The following KIF26B variants were observed in gnomAD, a reference collection of about 807,000 sequenced individuals.
KIF26B encodes the protein kinesin-like protein KIF26B.
Under a neutral mutation model 151.2 loss-of-function variants are expected in KIF26B, and 63 were observed. The ratio of observed to expected loss-of-function variants is 0.42; its 90% CI spans 0.34 to 0.51. The LOEUF is 0.51. Among genes scored for constraint, KIF26B ranks in the 20% least tolerant of loss-of-function variants. The pLI, the probability that KIF26B is intolerant of heterozygous loss-of-function variation, is 0.07. For missense variants in KIF26B, 2,813 were observed against 2,913.6 expected (o/e 0.97, Z 0.79); for synonymous variants, 1,357 against 1,262.1 (o/e 1.08, Z -1.59).
intron 4 of KIF26B, among the ~76,000 whole-genome samples, chr1:245,474,811 G>A (rs1023073817): frequency 3.3e-5 from 5 of 151,714 alleles, no homozygotes; most frequent in Non-Finnish European, 7.4e-5. Context: ...CCAGCCTCTG[G>A]TAACCACCCA....
chr1:245,503,002 C>G (rs1284157799), intron 4 of KIF26B, among the ~76,000 whole-genome samples: 1 of 151,952 alleles, frequency 6.6e-6, no homozygotes, highest in East Asian at 1.9e-4. Flanking sequence ...GCTGGGATTA[C>G]AGACATGCGC....
intron 5 of KIF26B, among the ~76,000 whole-genome samples, chr1:245,541,935 T>C (rs1010072005): frequency 1.3e-5 from 2 of 152,210 alleles, no homozygotes; most frequent in African/African-American, 4.8e-5. Context: ...TACCCTCTCT[T>C]CTTTTCACCT....
At chr1:245,644,891 C>A (rs1174429674) in intron 9 of KIF26B, among the ~76,000 whole-genome samples, 2 of 152,206 alleles carry the variant, frequency 1.3e-5, no homozygotes, top group African/African-American at 4.8e-5. Flanking sequence ...GCTCACAGTT[C>A]TGCAAGCTAT....
chr1:245,670,341 A>G (rs535306460), intron 10 of KIF26B, among the ~76,000 whole-genome samples: 1 of 150,508 alleles, frequency 6.6e-6, no homozygotes, highest in Non-Finnish European at 1.5e-5. Context: ...TTCCTTCAAT[A>G]TTAAACGTCT....
At chr1:245,682,905 GCTCCTCCTCCTC>G (rs35122706) in intron 10 of KIF26B, among the ~76,000 whole-genome samples, 1 of 151,408 alleles carries the variant, frequency 6.6e-6, no homozygotes, top group Non-Finnish European at 1.5e-5. Context: ...AACTTTCACA[GCTCCTCCTCCTC>G]CTCCTCCTCC....
At chr1:245,325,094 C>CAAAAAAAAA (rs57433161) in intron 2 of KIF26B, among the ~76,000 whole-genome samples, 1 of 96,556 alleles carries the variant, frequency 1.0e-5, no homozygotes, top group East Asian at 2.8e-4. Context: ...GACCTTGTCT[C>CAAAAAAAAA]AAAAAAAAAA....
chr1:245,561,199 T>A (rs748287755), intron 5 of KIF26B, among the ~76,000 whole-genome samples: 12 of 152,212 alleles, frequency 7.9e-5, no homozygotes, highest in Non-Finnish European at 1.2e-4. Context: ...CAGCTTCATC[T>A]TGGCTTATTA....
In KIF26B at chr1:245,244,666, C is replaced by T. The variant is rs1028428075; in HGVS notation, c.465+87983C>T. Among the ~76,000 whole-genome samples the T allele has an allele frequency of 6.6e-6, 1 of 151,980 alleles. No homozygotes were observed. The highest frequency in any genetic ancestry group is 1.5e-5 in the Non-Finnish European group (1 of 68,008). On this transcript the variant is annotated intron_variant, in intron 2 of 14. Coordinates refer to ENST00000407071, the MANE Select transcript of KIF26B (RefSeq NM_018012.4). The surrounding 1 kb of genome is among the most constrained non-coding windows in gnomAD (Gnocchi z 4.2). ...GTGACACCCGTCTTCTCTGTCCTCT[C>T]TCTTCATACTGTTGTCTTAGGTGTT...
intron 2 of KIF26B, among the ~76,000 whole-genome samples, chr1:245,284,038 C>T (rs1461218502): frequency 6.6e-6 from 1 of 152,216 alleles, no homozygotes; most frequent in East Asian, 1.9e-4. Context: ...CGGCTTCCCT[C>T]ATCCCTCCTT....
At chr1:245,448,028 G>T (rs1659286765) in intron 4 of KIF26B, among the ~76,000 whole-genome samples, 1 of 152,180 alleles carries the variant, frequency 6.6e-6, no homozygotes, top group Non-Finnish European at 1.5e-5. Flanking sequence ...AACTCTTGTG[G>T]GCTACGCCCC....
intron 4 of KIF26B, among the ~76,000 whole-genome samples, chr1:245,498,316 T>G (rs1321124938): frequency 6.6e-6 from 1 of 152,206 alleles, no homozygotes; most frequent in Non-Finnish European, 1.5e-5. Flanking sequence ...AGCCTGGATG[T>G]GAAGTTTATC....
chr1:245,572,465 C>A lies in KIF26B; in HGVS notation c.1351-30112C>A, dbSNP rs1001488699. Among the ~76,000 whole-genome samples, 2 of 152,074 alleles carry A rather than the reference C, an allele frequency of 1.3e-5. No homozygotes were observed. Among genetic ancestry groups the A allele is most frequent in the African/African-American group, 4.8e-5 (2 of 41,402 alleles). On this transcript the variant is annotated intron_variant, in intron 5 of 14. Coordinates refer to ENST00000407071, the MANE Select transcript of KIF26B (RefSeq NM_018012.4). The surrounding 1 kb of genome is among the most constrained non-coding windows in gnomAD (Gnocchi z 4.2). ...GGACACACTTCTCTTGTTCTCCAGC[C>A]CATTTTCAGGCACGGTATCCTGCGC...
At chr1:245,355,416 C>T (rs567891092) in intron 2 of KIF26B, among the ~76,000 whole-genome samples, 3 of 151,676 alleles carry the variant, frequency 2.0e-5, no homozygotes, top group South Asian at 2.1e-4. Flanking sequence ...GGCAACATGG[C>T]GAAACTCCAT....
At chr1:245,590,991 GA>G (rs1370039193) in intron 5 of KIF26B, among the ~76,000 whole-genome samples, 1 of 151,840 alleles carries the variant, frequency 6.6e-6, no homozygotes, top group Non-Finnish European at 1.5e-5. Flanking sequence ...GGATGATTCA[GA>G]ATCTAATGAT....
At chr1:245,273,713 C>T (rs957727409) in intron 2 of KIF26B, among the ~76,000 whole-genome samples, 1 of 152,156 alleles carries the variant, frequency 6.6e-6, no homozygotes, top group African/African-American at 2.4e-5. Context: ...TTTACGTAGA[C>T]TACCTCTCTT....
rs910478940 is a variant in KIF26B at position 245,166,022 on chromosome 1, C to T, written c.465+9339C>T. 6.6e-6 allele frequency among the ~76,000 whole-genome samples: 1 copy of T among 152,190 alleles called. No individual in the cohort carries two copies. The highest frequency in any genetic ancestry group is 1.5e-5 in the Non-Finnish European group (1 of 68,044). Reference sequence around the variant, plus strand: ...TCTTAAAATGAAGAACTACAATCAACAGACTTGCGTGCAAAACCAGGCTCC... The same window carrying T: ...TCTTAAAATGAAGAACTACAATCAATAGACTTGCGTGCAAAACCAGGCTCC... On this transcript the variant is annotated intron_variant, in intron 2 of 14. Transcript: ENST00000407071. This position sits in a 1 kb window ranked among gnomAD's most constrained non-coding sequence, Gnocchi z 4.5.
rs538102204 is a variant in KIF26B at position 245,168,703 on chromosome 1, C to A, written c.465+12020C>A. ...AAAATCTTTTTGCTCCCTTTGATTTCTCTCTTTTTTTCTGCTCTTTCAAAT... is the reference window on the plus strand; with the variant it reads ...AAAATCTTTTTGCTCCCTTTGATTTATCTCTTTTTTTCTGCTCTTTCAAAT... On this transcript the variant is annotated intron_variant, in intron 2 of 14. Transcript: ENST00000407071. 2.6e-5 allele frequency among the ~76,000 whole-genome samples: 4 copies of A among 152,214 alleles called. No homozygotes were observed. The East Asian group carries it at 7.7e-4, about 29-fold the overall frequency.
At chr1:245,611,677 C>T (rs10754457) in intron 8 of KIF26B, 116 bp from the exon 9 acceptor site, 366,510 of 1,021,986 alleles carry the variant, frequency 0.36, 69,814 homozygotes, top group East Asian at 0.66. Flanking sequence ...TAGAGGGGCA[C>T]GTGGCTTTAC....
intron 3 of KIF26B, among the ~76,000 whole-genome samples, chr1:245,410,839 A>G (rs1069234): frequency 0.46 from 70,499 of 151,946 alleles, 16,735 homozygotes; most frequent in South Asian, 0.67. Flanking sequence ...TCACATTGTT[A>G]CACAACCATC....
Sources: allele counts gnomAD v4.1 joint callset (sites outside exome capture counted in the v4.1 genomes callset), GRCh38; gene constraint gnomAD v4.1.1; non-coding constraint Gnocchi (gnomAD v3.1); transcripts MANE v1.5; gene names NCBI Gene and HGNC (gene_info 2026-07-23, HGNC 2026-07-21).